PCDH19: variants seen among roughly 807,000 people sequenced by gnomAD.
PCDH19 encodes the protein protocadherin 19, also known as protocadherin-19.
PCDH19 carries 6 observed loss-of-function variants against 46.2 expected under a neutral mutation model. The observed-to-expected ratio is 0.13, with a 90% CI of 0.07 to 0.26. The LOEUF (loss-of-function observed/expected upper bound fraction) is 0.26, where lower values mean the gene tolerates loss of function less well. PCDH19 is among the 10% of genes least tolerant of loss of function. The pLI is 1.00. For synonymous variants in PCDH19, 481 were observed against 415.7 expected (o/e 1.16, Z -1.91); for missense variants, 740 against 972.3 (o/e 0.76, Z 3.18).
At chrX:100,368,839 T>A (rs781267949) in intron 3 of PCDH19, among the ~76,000 whole-genome samples, 15 of 111,874 alleles carry the variant, frequency 1.3e-4, no homozygotes, top group African/African-American at 4.6e-4. Flanking sequence ...AAGCCAACAA[T>A]GTACACATTG....
At chrX:100,406,379 AG>A in intron 1 of PCDH19, 71 bp downstream of exon 1, 1 of 857,664 alleles carries the variant, frequency 1.2e-6, no homozygotes, top group Non-Finnish European at 1.7e-6. Context: ...CAAAAGCACC[AG>A]GATTTTCACA....
intron 3 of PCDH19, among the ~76,000 whole-genome samples, chrX:100,402,164 A>G (rs1415246119): frequency 9.0e-6 from 1 of 111,632 alleles, no homozygotes; most frequent in Non-Finnish European, 1.9e-5. Flanking sequence ...CATTTTCAAC[A>G]CTACTTGATG....
intron 5 of PCDH19, among the ~76,000 whole-genome samples, chrX:100,327,934 C>T (rs1925748157): frequency 9.0e-6 from 1 of 111,731 alleles, no homozygotes; most frequent in Non-Finnish European, 1.9e-5. Context: ...ACAATGAAAA[C>T]TTAAGATACC....
intron 3 of PCDH19, among the ~76,000 whole-genome samples, chrX:100,366,879 C>T (rs1927082070): frequency 8.9e-6 from 1 of 111,924 alleles, no homozygotes; most frequent in South Asian, 3.7e-4. Context: ...GACTGCCCTA[C>T]CACCAAATAA....
chrX:100,385,852 C>G lies in PCDH19; in HGVS notation c.2616+16672G>C, dbSNP rs759878142. Among the ~76,000 whole-genome samples the G allele has an allele frequency of 8.1e-5, 9 of 110,843 alleles. No homozygotes were observed. The East Asian group carries it at 1.4e-3, about 18-fold the overall frequency. ...GAGTTTGCAGTGAGCCGAGATCGAG[C>G]CACTGTACTCCAGCCTGGGTGACAG... On this transcript the variant is annotated intron_variant, in intron 3 of 5. Coordinates refer to ENST00000373034, the MANE Select transcript of PCDH19 (RefSeq NM_001184880.2).
intron 5 of PCDH19, among the ~76,000 whole-genome samples, chrX:100,298,783 G>A (rs1924692752): frequency 9.0e-6 from 1 of 111,642 alleles, no homozygotes; most frequent in Non-Finnish European, 1.9e-5. Flanking sequence ...AAGCATTTTG[G>A]GATATACTTG....
Position 100,407,629 on chromosome X carries a change from G to T in PCDH19, c.969C>A (p.Pro323=). 1 of 1,212,046 alleles carries T rather than the reference G, an allele frequency of 8.3e-7. No homozygotes were observed. Among genetic ancestry groups the T allele is most frequent in the African/African-American group, 1.7e-5 (1 of 57,929 alleles). Residue 323 remains proline, a synonymous_variant, in exon 1 of 6, where the codon CCC becomes CCA. Coordinates refer to ENST00000373034, the MANE Select transcript of PCDH19 (RefSeq NM_001184880.2). The part of the protein sequence containing the change: ...ELDVQAKDLG[P]NSIPAHCKVT... ...CCTTGCAGTGTGCCGGGATGGAATT[G>T]GGCCCCAAGTCCTTAGCCTGCACGT...
chrX:100,340,326 A>T (rs142902493), intron 5 of PCDH19, among the ~76,000 whole-genome samples: 50 of 112,332 alleles, frequency 4.5e-4, no homozygotes, highest in Admixed American at 2.6e-3. Context: ...AAAATAAAAC[A>T]GATGTTGTTC....
chrX:100,400,672 A>G (rs1162053989), intron 3 of PCDH19, among the ~76,000 whole-genome samples: 1 of 112,355 alleles, frequency 8.9e-6, no homozygotes, highest in Middle Eastern at 4.2e-3. Flanking sequence ...AGAGTTATAA[A>G]TTGAAAATAT....
chrX:100,377,310 G>A (rs371118707), intron 3 of PCDH19, among the ~76,000 whole-genome samples: 21 of 111,420 alleles, frequency 1.9e-4, no homozygotes, highest in East Asian at 1.4e-3. Context: ...CAGAATGGTG[G>A]CAATAATGGC....
In PCDH19 at chrX:100,402,788, A is replaced by T. The variant is rs1381298452; in HGVS notation, c.2352T>A (p.Asn784Lys). The T allele has an allele frequency of 2.5e-6, 3 of 1,209,363 alleles. No homozygotes were observed. Among genetic ancestry groups the T allele is most frequent in the Non-Finnish European group, 3.4e-6 (3 of 894,665 alleles). Residue 784 changes from asparagine (N) to lysine (K), a missense_variant, in exon 3 of 6, where the codon AAT becomes AAA. This residue lies in a region of PCDH19 where 416 missense variants were observed against 476.8 expected (regional missense o/e 0.87). Transcript: ENST00000373034. ...KSSKKKKISK[N>K]DIRLVPRDVE... ...CATCCCGGGGTACCAGGCGGATGTCATTCTTACTGATTTTTTTCTTCTTGC... is the reference window on the plus strand; with the variant it reads ...CATCCCGGGGTACCAGGCGGATGTCTTTCTTACTGATTTTTTTCTTCTTGC...
chrX:100,332,292 C>T (rs906275289), intron 5 of PCDH19, among the ~76,000 whole-genome samples: 43 of 111,934 alleles, frequency 3.8e-4, no homozygotes, highest in African/African-American at 1.1e-3. Context: ...GAGGCCAAGG[C>T]GGGTGGATCA....
At chrX:100,364,567 C>G (rs1480762797) in intron 3 of PCDH19, among the ~76,000 whole-genome samples, 1 of 110,927 alleles carries the variant, frequency 9.0e-6, no homozygotes, top group African/African-American at 3.3e-5. Context: ...TGAAATGTTA[C>G]CTAAGGAAAT....
At chrX:100,368,913 G>C (rs904877391) in intron 3 of PCDH19, among the ~76,000 whole-genome samples, 1 of 111,009 alleles carries the variant, frequency 9.0e-6, no homozygotes, top group Non-Finnish European at 1.9e-5. Flanking sequence ...GCTGTGCTTT[G>C]GAAAAGTAAA....
chrX:100,367,794 T>C (rs369888814), intron 3 of PCDH19, among the ~76,000 whole-genome samples: 1 of 111,438 alleles, frequency 9.0e-6, no homozygotes, highest in South Asian at 3.8e-4. Context: ...GTATATACAG[T>C]GTGCCATGGG....
intron 5 of PCDH19, among the ~76,000 whole-genome samples, chrX:100,302,967 C>T (rs1195792681): frequency 2.7e-5 from 3 of 111,743 alleles, no homozygotes; most frequent in Admixed American, 9.5e-5. Flanking sequence ...GTGGAAATAA[C>T]TATTTTATCA....
chrX:100,397,613 C>T (rs1238344203), intron 3 of PCDH19, among the ~76,000 whole-genome samples: 1 of 112,232 alleles, frequency 8.9e-6, no homozygotes, highest in Non-Finnish European at 1.9e-5. Context: ...TTTAAAAATA[C>T]TGCACAAAGA....
intron 3 of PCDH19, among the ~76,000 whole-genome samples, chrX:100,375,110 A>C: frequency 8.9e-6 from 1 of 111,964 alleles, no homozygotes; most frequent in East Asian, 2.8e-4. Flanking sequence ...ATTAAGCCCT[A>C]TATGATTTTT....
chrX:100,342,859 G>A (rs1442788914), intron 4 of PCDH19, among the ~76,000 whole-genome samples: 1 of 112,104 alleles, frequency 8.9e-6, no homozygotes. Flanking sequence ...GAGCGTGGAA[G>A]GTGTGATGTT....
Sources: gnomAD v4.1 joint callset for allele counts (sites outside exome capture counted in the v4.1 genomes callset) on GRCh38, gnomAD v4.1.1 for gene constraint, gnomAD v4.1.1 regional missense constraint, MANE v1.5 for transcripts, NCBI Gene and HGNC (gene_info 2026-07-23, HGNC 2026-07-21) for gene names.